The following TMEM108 variants were observed in gnomAD, a reference collection of about 807,000 sequenced individuals.
TMEM108 encodes transmembrane protein 108, also known as cancer/testis antigen 124.
In TMEM108, 12 loss-of-function variants were observed where a neutral mutation model predicts 35.1. The ratio of observed to expected loss-of-function variants is 0.34; its 90% CI spans 0.22 to 0.55. TMEM108 has a LOEUF of 0.55. Among genes scored for constraint, TMEM108 ranks in the 20% least tolerant of loss-of-function variants. The pLI is 0.89. For synonymous variants in TMEM108, 287 were observed against 308.6 expected (o/e 0.93, Z 0.73); for missense variants, 680 against 753.3 (o/e 0.90, Z 1.14).
chr3:133,383,179 G>A (rs1409010830), intron 4 of TMEM108, among the ~76,000 whole-genome samples: 1 of 152,184 alleles, frequency 6.6e-6, no homozygotes, highest in Non-Finnish European at 1.5e-5. Context: ...ATCTTTACAT[G>A]TGTCTAGGAT....
intron 3 of TMEM108, among the ~76,000 whole-genome samples, chr3:133,358,141 A>G (rs1488742985): frequency 6.6e-6 from 1 of 150,764 alleles, no homozygotes; most frequent in Non-Finnish European, 1.5e-5. Context: ...GCATCTTTGA[A>G]GAAGGAAGCT....
intron 2 of TMEM108, among the ~76,000 whole-genome samples, chr3:133,130,571 A>G (rs1008754062): frequency 6.6e-6 from 1 of 152,212 alleles, no homozygotes; most frequent in African/African-American, 2.4e-5. Context: ...AAAAAAAAGC[A>G]GGAACCTTTC....
intron 2 of TMEM108, among the ~76,000 whole-genome samples, chr3:133,198,488 A>T (rs1247949547): frequency 6.6e-6 from 1 of 152,196 alleles, no homozygotes; most frequent in Non-Finnish European, 1.5e-5. Flanking sequence ...AATTCTACTG[A>T]CTGACAAGTA....
intron 5 of TMEM108, among the ~76,000 whole-genome samples, chr3:133,391,125 G>T (rs116190957): frequency 0.017 from 2,580 of 152,318 alleles, 74 homozygotes; most frequent in African/African-American, 0.055. Flanking sequence ...GCAGCAGAGA[G>T]TCACTGAAAG....
intron 2 of TMEM108, among the ~76,000 whole-genome samples, chr3:133,177,141 C>G (rs902078617): frequency 6.6e-6 from 1 of 152,142 alleles, no homozygotes; most frequent in South Asian, 2.1e-4. Context: ...CTGAATAGAC[C>G]AATAACAGGC....
intron 3 of TMEM108, among the ~76,000 whole-genome samples, chr3:133,332,864 C>T (rs1242934256): frequency 6.6e-6 from 1 of 152,206 alleles, no homozygotes; most frequent in Non-Finnish European, 1.5e-5. Context: ...GATAAATTGA[C>T]ATACAGAAAG....
intron 2 of TMEM108, among the ~76,000 whole-genome samples, chr3:133,205,213 A>T (rs977609995): frequency 6.6e-6 from 1 of 150,996 alleles, no homozygotes; most frequent in African/African-American, 2.4e-5. Context: ...TGCACATGAG[A>T]TGGGTCTCCT....
chr3:133,128,804 C>T (rs1246746152), intron 2 of TMEM108, among the ~76,000 whole-genome samples: 3 of 152,220 alleles, frequency 2.0e-5, no homozygotes, highest in African/African-American at 7.2e-5. Flanking sequence ...CTCCGTCATG[C>T]TCTGTCTACT....
chr3:133,221,431 A>G (rs1945988765), intron 2 of TMEM108, among the ~76,000 whole-genome samples: 1 of 152,172 alleles, frequency 6.6e-6, no homozygotes, highest in African/African-American at 2.4e-5. Flanking sequence ...TATTAGAACA[A>G]AAGATTCTCC....
At chr3:133,328,587 T>C (rs570765215) in intron 3 of TMEM108, among the ~76,000 whole-genome samples, 31 of 152,208 alleles carry the variant, frequency 2.0e-4, no homozygotes, top group South Asian at 1.5e-3. Context: ...GGGACTCTGA[T>C]TGTTTCTACT....
intron 2 of TMEM108, among the ~76,000 whole-genome samples, chr3:133,051,457 T>TGG (rs1418996014): frequency 6.6e-6 from 1 of 152,110 alleles, no homozygotes; most frequent in Non-Finnish European, 1.5e-5. Context: ...TCCCAATCTG[T>TGG]GGATTGTCTT....
chr3:133,138,101 A>G (rs1944590247), intron 2 of TMEM108, among the ~76,000 whole-genome samples: 1 of 152,158 alleles, frequency 6.6e-6, no homozygotes, highest in Non-Finnish European at 1.5e-5. Flanking sequence ...TTTCCCTGGG[A>G]CTTGTAGATA....
chr3:133,210,466 A>ATAACCT (rs1291365479), intron 2 of TMEM108, among the ~76,000 whole-genome samples: 1 of 152,178 alleles, frequency 6.6e-6, no homozygotes. Flanking sequence ...TCTCCATCCC[A>ATAACCT]TAACCTGGGA....
chr3:133,039,755 T>A (rs1397583829), intron 1 of TMEM108, among the ~76,000 whole-genome samples: 2 of 152,192 alleles, frequency 1.3e-5, no homozygotes, highest in East Asian at 3.8e-4. Flanking sequence ...CTCTTTCTGG[T>A]ATGAGATGGA....
chr3:133,306,687 G>A (rs1052905566), intron 3 of TMEM108, among the ~76,000 whole-genome samples: 37 of 152,262 alleles, frequency 2.4e-4, no homozygotes, highest in African/African-American at 7.7e-4. Context: ...TCCCTGCAAA[G>A]GACATGAACT....
At chr3:133,378,283 C>A in intron 3 of TMEM108, 1 of 946,988 alleles carries the variant, frequency 1.1e-6, no homozygotes, top group Non-Finnish European at 1.3e-6. Flanking sequence ...AACGGTGATC[C>A]TGGGCCTTGT....
intron 3 of TMEM108, among the ~76,000 whole-genome samples, chr3:133,337,644 C>T (rs1000270806): frequency 4.6e-5 from 7 of 152,084 alleles, no homozygotes; most frequent in East Asian, 3.9e-4. Context: ...GCCCAGACGT[C>T]GAAGAACATC....
chr3:133,225,194 G>A (rs534157055), intron 2 of TMEM108, among the ~76,000 whole-genome samples: 11 of 151,754 alleles, frequency 7.2e-5, no homozygotes, highest in African/African-American at 2.2e-4. Flanking sequence ...CTACAGGTGC[G>A]TGCCACCATG....
intron 2 of TMEM108, among the ~76,000 whole-genome samples, chr3:133,111,853 G>C (rs150375410): frequency 4.6e-5 from 7 of 152,248 alleles, no homozygotes; most frequent in African/African-American, 1.4e-4. Context: ...AGTAAATGGA[G>C]TTGAAAGTGG....
Sources: allele counts gnomAD v4.1 joint callset (sites outside exome capture counted in the v4.1 genomes callset), GRCh38; gene constraint gnomAD v4.1.1; transcripts MANE v1.5; gene names NCBI Gene and HGNC (gene_info 2026-07-23, HGNC 2026-07-21).